Variants in CSMD1 observed in about 807,000 individuals in gnomAD.
CSMD1 encodes the protein CUB and Sushi multiple domains 1, also known as CUB and sushi domain-containing protein 1.
In CSMD1, 213 loss-of-function variants were observed where a neutral mutation model predicts 417.5. The observed-to-expected ratio is 0.51, with a 90% CI of 0.46 to 0.57. The LOEUF is 0.57. Among genes scored for constraint, CSMD1 ranks in the 20% least tolerant of loss-of-function variants. The probability of loss-of-function intolerance (pLI) is 0.00; values close to 1 mark genes in which losing one functional copy is unlikely to be tolerated. For missense variants in CSMD1, 6,923 were observed against 4,529.7 expected, an observed-to-expected ratio of 1.53 and a Z score of -15.17; for synonymous variants, 2,862 against 1,736.8, an observed-to-expected ratio of 1.65 and a Z score of -16.11.
rs537204437 is a variant in CSMD1, at chr8:3,143,359, G to A, written c.6032-685C>T. Among the ~76,000 whole-genome samples the A allele has an allele frequency of 4.4e-4, 67 of 152,186 alleles. No homozygotes were observed. In the East Asian group the frequency reaches 8.7e-3, roughly 20 times the overall value. On this transcript the variant is annotated intron_variant, in intron 40 of 69. Transcript: ENST00000635120. ...TGTGAGAAACCCAATCTAATCAACC[G>A]CACCATAACTCTCACAATTAAATCT...
At chr8:3,711,111 C>T (rs1380923247) in intron 6 of CSMD1, among the ~76,000 whole-genome samples, 1 of 152,146 alleles carries the variant, frequency 6.6e-6, no homozygotes, top group African/African-American at 2.4e-5. Context: ...ATATTTTCCC[C>T]AAAAGACAGC....
At chr8:3,940,131 C>G (rs1250631573) in intron 5 of CSMD1, among the ~76,000 whole-genome samples, 1 of 151,954 alleles carries the variant, frequency 6.6e-6, no homozygotes, top group African/African-American at 2.4e-5. Context: ...GTAAATAGTA[C>G]TACTATACAA....
chr8:4,534,829 C>G (rs1797019961), intron 2 of CSMD1, among the ~76,000 whole-genome samples: 1 of 152,102 alleles, frequency 6.6e-6, no homozygotes, highest in African/African-American at 2.4e-5. Context: ...GTAGTGTGAT[C>G]TCAGCTCGAT....
chr8:3,957,353 T>C (rs1176352005), intron 5 of CSMD1, among the ~76,000 whole-genome samples: 1 of 152,176 alleles, frequency 6.6e-6, no homozygotes, highest in Non-Finnish European at 1.5e-5. Context: ...GTGTTCTACG[T>C]GCTAGGCACC....
intron 1 of CSMD1, among the ~76,000 whole-genome samples, chr8:4,823,404 T>C (rs1440061332): frequency 1.3e-5 from 2 of 152,094 alleles, no homozygotes; most frequent in African/African-American, 4.8e-5. Flanking sequence ...GTTCATTAAC[T>C]TTTCTTACTT....
At chr8:4,396,303 TAA>T (rs71534399) in intron 3 of CSMD1, among the ~76,000 whole-genome samples, 4,854 of 139,432 alleles carry the variant, frequency 0.035, 248 homozygotes, top group African/African-American at 0.12. Context: ...CTCTTAAAAG[TAA>T]AAAAAAAAAA....
At chr8:3,776,588 G>A (rs543419709) in intron 5 of CSMD1, among the ~76,000 whole-genome samples, 40 of 152,132 alleles carry the variant, frequency 2.6e-4, no homozygotes, top group South Asian at 1.0e-3. Flanking sequence ...CTTCCTACGG[G>A]ACTTTTGTTA....
intron 3 of CSMD1, among the ~76,000 whole-genome samples, chr8:4,402,560 C>G (rs902889029): frequency 1.3e-5 from 2 of 152,184 alleles, no homozygotes; most frequent in Non-Finnish European, 2.9e-5. Flanking sequence ...TATTCTTCCA[C>G]TCTTGAAGGG....
chr8:4,347,657 A>C (rs1800850247), intron 3 of CSMD1, among the ~76,000 whole-genome samples: 1 of 152,208 alleles, frequency 6.6e-6, no homozygotes, highest in Non-Finnish European at 1.5e-5. Context: ...GTGTAATTTC[A>C]CATCAGTATG....
chr8:4,806,013 C>A (rs570102105), intron 1 of CSMD1, among the ~76,000 whole-genome samples: 2 of 152,178 alleles, frequency 1.3e-5, no homozygotes, highest in Admixed American at 6.5e-5. Flanking sequence ...AAAGAATTAT[C>A]TGAGTCCTCC....
intron 1 of CSMD1, among the ~76,000 whole-genome samples, chr8:4,645,339 T>A (rs935632987): frequency 6.7e-6 from 1 of 149,106 alleles, no homozygotes; most frequent in Admixed American, 6.9e-5. Flanking sequence ...AGCAATGTAA[T>A]GTTTTCACCT....
intron 3 of CSMD1, among the ~76,000 whole-genome samples, chr8:4,351,878 T>C (rs1191225802): frequency 2.0e-5 from 3 of 151,610 alleles, no homozygotes; most frequent in Non-Finnish European, 4.4e-5. Flanking sequence ...ACAGGACTTG[T>C]ATGTGGATTA....
intron 5 of CSMD1, among the ~76,000 whole-genome samples, chr8:3,816,477 G>A (rs945391699): frequency 9.2e-5 from 14 of 152,010 alleles, no homozygotes; most frequent in African/African-American, 2.9e-4. Flanking sequence ...TGAATCTCTC[G>A]CTGTGCCTAA....
chr8:4,770,369 A>G (rs942186947), intron 1 of CSMD1, among the ~76,000 whole-genome samples: 1 of 148,706 alleles, frequency 6.7e-6, no homozygotes, highest in South Asian at 2.1e-4. Flanking sequence ...TATTATATAT[A>G]TATGTAGTAC....
intron 26 of CSMD1, among the ~76,000 whole-genome samples, chr8:3,236,346 C>T (rs879693027): frequency 5.3e-5 from 8 of 151,902 alleles, no homozygotes; most frequent in Admixed American, 2.0e-4. Flanking sequence ...TAAACAAACC[C>T]CCAAACACTT....
intron 26 of CSMD1, among the ~76,000 whole-genome samples, chr8:3,260,866 C>CA (rs1801008170): frequency 6.6e-6 from 1 of 152,116 alleles, no homozygotes; most frequent in South Asian, 2.1e-4. Flanking sequence ...AGACAAGCTA[C>CA]AGACTGGGAG....
intron 49 of CSMD1, among the ~76,000 whole-genome samples, chr8:3,068,768 C>T (rs1813123266): frequency 6.6e-6 from 1 of 152,130 alleles, no homozygotes; most frequent in Non-Finnish European, 1.5e-5. Context: ...ATCATGAAGA[C>T]AGCAATAAGT....
intron 26 of CSMD1, among the ~76,000 whole-genome samples, chr8:3,273,372 A>C (rs1585882283): frequency 6.6e-6 from 1 of 152,034 alleles, no homozygotes; most frequent in East Asian, 1.9e-4. Context: ...ATGTTCATCA[A>C]GGATATTGGT....
chr8:3,839,945 G>A (rs907643709), intron 5 of CSMD1, among the ~76,000 whole-genome samples: 1 of 152,000 alleles, frequency 6.6e-6, no homozygotes, highest in African/African-American at 2.4e-5. Flanking sequence ...CTTCTGCTCT[G>A]GATATTTGGA....
Sources: gnomAD v4.1 joint callset for allele counts (sites outside exome capture counted in the v4.1 genomes callset) on GRCh38, gnomAD v4.1.1 for gene constraint, MANE v1.5 for transcripts, NCBI Gene and HGNC (gene_info 2026-07-23, HGNC 2026-07-21) for gene names.